The following PDE4D variants were observed in gnomAD, a reference collection of about 807,000 sequenced individuals.
PDE4D encodes the protein phosphodiesterase 4D.
PDE4D carries 24 observed loss-of-function variants against 87.4 expected under a neutral mutation model. The ratio of observed to expected loss-of-function variants is 0.27; its 90% confidence interval spans 0.20 to 0.39. PDE4D has a LOEUF of 0.39. Ranked by LOEUF, PDE4D falls within the 10% of genes least tolerant of loss-of-function variation. The pLI, the probability that PDE4D is intolerant of heterozygous loss-of-function variation, is 1.00. For synonymous variants in PDE4D, 384 were observed against 383.2 expected (o/e 1.00, Z -0.02); for missense variants, 714 against 1,041.0 (o/e 0.69, Z 4.32).
chr5:59,205,450 C>T (rs902168512), intron 2 of PDE4D, among the ~76,000 whole-genome samples: 3 of 152,070 alleles, frequency 2.0e-5, no homozygotes, highest in Non-Finnish European at 4.4e-5. Flanking sequence ...GATTTGAGCC[C>T]AGGCCTTCAA....
chr5:59,979,361 AT>A (rs1040727660), intron 3 of PDE4D, among the ~76,000 whole-genome samples: 29 of 84,982 alleles, frequency 3.4e-4, no homozygotes, highest in Non-Finnish European at 7.3e-4. Context: ...TAAATTACAT[AT>A]TTAAAAAACA....
At chr5:59,915,163 C>T (rs1753903857) in intron 3 of PDE4D, among the ~76,000 whole-genome samples, 1 of 152,098 alleles carries the variant, frequency 6.6e-6, no homozygotes, top group Non-Finnish European at 1.5e-5. Flanking sequence ...TATAGAGATT[C>T]TGAGTTAGAG....
intron 3 of PDE4D, among the ~76,000 whole-genome samples, chr5:59,915,614 AT>A (rs1246962607): frequency 6.6e-6 from 1 of 152,150 alleles, no homozygotes; most frequent in Non-Finnish European, 1.5e-5. Context: ...AATAACTGTC[AT>A]TGTTCTTGTA....
intron 1 of PDE4D, among the ~76,000 whole-genome samples, chr5:60,292,587 C>A (rs34762984): frequency 0.1 from 15,839 of 152,224 alleles, 1,066 homozygotes; most frequent in South Asian, 0.29. Flanking sequence ...TTAATTAATT[C>A]TATCAAACAT....
chr5:60,051,602 A>G (rs975445068), intron 2 of PDE4D, among the ~76,000 whole-genome samples: 10 of 152,176 alleles, frequency 6.6e-5, no homozygotes, highest in Non-Finnish European at 1.5e-4. Flanking sequence ...TCTAAAATCG[A>G]CACCCTAACG....
rs768042811 is a variant in PDE4D, at chr5:59,794,135, GCGCA to G, written c.455+99029_455+99032del. Among the ~76,000 whole-genome samples, 386 of 89,368 alleles carry G rather than the reference GCGCA, an allele frequency of 4.3e-3. 4 individuals carry two copies. The highest frequency in any genetic ancestry group is 0.017 in the African/African-American group (367 of 21,624). 58.6% of individuals were successfully genotyped at this position (89,368 alleles called of 152,430 possible). ...CAGATACACAGACACACACACAGAGGCGCACACACACACACACACACACACACAC... is the reference window on the plus strand; with the variant it reads ...CAGATACACAGACACACACACAGAGGCACACACACACACACACACACACAC... On this transcript the variant is annotated intron_variant, in intron 1 of 14. Coordinates refer to ENST00000340635, the MANE Select transcript of PDE4D (RefSeq NM_001104631.2).
At chr5:60,422,745 C>A (rs1238288353) in intron 1 of PDE4D, among the ~76,000 whole-genome samples, 1 of 152,166 alleles carries the variant, frequency 6.6e-6, no homozygotes, top group South Asian at 2.1e-4. Flanking sequence ...AAGACACAGA[C>A]TGGCAAATTG....
chr5:60,017,035 T>G (rs1175342094), intron 2 of PDE4D, among the ~76,000 whole-genome samples: 1 of 152,224 alleles, frequency 6.6e-6, no homozygotes, highest in East Asian at 1.9e-4. Context: ...CTAGATCCAT[T>G]GATTGCAGAA....
chr5:60,194,811 T>C lies in PDE4D; in HGVS notation c.-89-9124A>G, dbSNP rs1741010756. ...TATCTACACAAATTCAGGCACTTTCTAATGTTCTTCTTGTCACCAATACTG... is the reference window on the plus strand; with the variant it reads ...TATCTACACAAATTCAGGCACTTTCCAATGTTCTTCTTGTCACCAATACTG... On this transcript the variant is annotated intron_variant, in intron 1 of 16. Coordinates refer to the PDE4D transcript ENST00000502484. Among the ~76,000 whole-genome samples, 3 of 151,836 alleles carry C rather than the reference T, an allele frequency of 2.0e-5. No individual in the cohort carries two copies. In the South Asian group the frequency reaches 6.2e-4, roughly 32 times the overall value.
intron 1 of PDE4D, among the ~76,000 whole-genome samples, chr5:60,320,912 C>T (rs144947353): frequency 6.6e-6 from 1 of 152,100 alleles, no homozygotes; most frequent in African/African-American, 2.4e-5. Context: ...ATAACACAAT[C>T]CAATAAAAAA....
At position 60,006,944 on chromosome 5, in the gene PDE4D, T is replaced by G. The variant is rs368283807; in HGVS notation, c.43-18227A>C. ...AGCATACAGCACCTCAGGACTGCAT[T>G]TTAAATACATTCATTTCTAGAACTC... On this transcript the variant is annotated intron_variant, in intron 2 of 16. Transcript: ENST00000502484. Among the ~76,000 whole-genome samples the G allele has an allele frequency of 1.6e-4, 25 of 152,100 alleles. No homozygotes were observed. In the South Asian group the frequency reaches 4.8e-3, roughly 29 times the overall value.
intron 1 of PDE4D, among the ~76,000 whole-genome samples, chr5:60,437,082 T>TTTTTCTCCCCCACACAATCACC (rs1744819153): frequency 6.6e-6 from 1 of 151,982 alleles, no homozygotes; most frequent in African/African-American, 2.4e-5. Context: ...ACACAATCAC[T>TTTTTCTCCCCCACACAATCACC]TTTTCTCCCC....
At chr5:60,363,561 C>T (rs952579037) in intron 1 of PDE4D, among the ~76,000 whole-genome samples, 3 of 152,164 alleles carry the variant, frequency 2.0e-5, no homozygotes, top group African/African-American at 7.2e-5. Flanking sequence ...GTACTGCTTT[C>T]ACAAGGCTTA....
intron 2 of PDE4D, among the ~76,000 whole-genome samples, chr5:59,199,919 TAC>T (rs1312679008): frequency 2.0e-4 from 31 of 151,844 alleles, no homozygotes; most frequent in African/African-American, 6.3e-4. Context: ...CATGTATATA[TAC>T]ACACAGGCAC....
intron 3 of PDE4D, among the ~76,000 whole-genome samples, chr5:59,920,055 T>C (rs1410322189): frequency 1.3e-5 from 2 of 152,234 alleles, no homozygotes; most frequent in African/African-American, 4.8e-5. Context: ...TATTTTAAAA[T>C]ACACTAAAAC....
At position 59,746,851 on chromosome 5, in the gene PDE4D, CTT is replaced by C. The variant is rs1759685774; in HGVS notation, c.455+146315_455+146316del. On this transcript the variant is annotated intron_variant, in intron 1 of 14. Transcript: ENST00000340635. Reference sequence around the variant, plus strand: ...CCTCTGCCCCTAGTGAAGTAGGAGTCTTTCTCATTCTTCTCTGCTGCTTCCAG... The same window carrying C: ...CCTCTGCCCCTAGTGAAGTAGGAGTCTCTCATTCTTCTCTGCTGCTTCCAG... Among the ~76,000 whole-genome samples, 8 of 152,058 alleles carry C rather than the reference CTT, an allele frequency of 5.3e-5. No homozygotes were observed. The South Asian group carries it at 1.5e-3, about 28-fold the overall frequency.
At chr5:60,424,758 T>C (rs878990713) in intron 1 of PDE4D, among the ~76,000 whole-genome samples, 1 of 152,200 alleles carries the variant, frequency 6.6e-6, no homozygotes, top group African/African-American at 2.4e-5. Flanking sequence ...TGTTTGCAGA[T>C]GACATGATTG....
intron 2 of PDE4D, among the ~76,000 whole-genome samples, chr5:59,204,613 C>T (rs1475398515): frequency 6.6e-6 from 1 of 152,152 alleles, no homozygotes; most frequent in Non-Finnish European, 1.5e-5. Flanking sequence ...AAATTATCAC[C>T]AGAAGGTTTG....
intron 1 of PDE4D, among the ~76,000 whole-genome samples, chr5:60,378,248 G>C (rs1372793869): frequency 6.6e-6 from 1 of 152,078 alleles, no homozygotes; most frequent in African/African-American, 2.4e-5. Flanking sequence ...ACTAGTAAAG[G>C]GGACACATGT....
Sources: allele counts gnomAD v4.1 joint callset (sites outside exome capture counted in the v4.1 genomes callset), GRCh38; gene constraint gnomAD v4.1.1; transcripts MANE v1.5; gene names NCBI Gene and HGNC (gene_info 2026-07-23, HGNC 2026-07-21).